Variants in HMGA2 observed in about 807,000 individuals in gnomAD.
The protein encoded by HMGA2 is high mobility group protein HMGI-C.
Under a neutral mutation model 19.1 loss-of-function variants are expected in HMGA2, and 8 were observed. That is an observed-to-expected ratio of 0.42 (90% CI 0.25 to 0.76). The LOEUF (loss-of-function observed/expected upper bound fraction) is 0.76. HMGA2 is among the 30% of genes least tolerant of loss of function. The pLI is 0.28. For missense variants in HMGA2, 109 were observed against 136.3 expected (o/e 0.80, Z 1.00); for synonymous variants, 60 against 48.8 (o/e 1.23, Z -0.96).
intron 3 of HMGA2, among the ~76,000 whole-genome samples, chr12:65,908,142 A>G (rs535944679): frequency 7.8e-4 from 119 of 152,180 alleles, no homozygotes; most frequent in Middle Eastern, 3.2e-3. Flanking sequence ...TTTGTTGAAG[A>G]TTAATTTATT....
rs1876836600 is a variant in HMGA2 at position 65,964,202 on chromosome 12, T to A, written c.*910T>A. The A allele has an allele frequency of 4.9e-6, 1 of 202,028 alleles. No individual in the cohort carries two copies. The highest frequency in any genetic ancestry group is 6.0e-5 in the Admixed American group (1 of 16,634). 12.5% of individuals were successfully genotyped at this position (202,028 alleles called of 1,614,324 possible). On this transcript the variant is annotated 3_prime_UTR_variant, in exon 5 of 5. Transcript: ENST00000403681. Reference sequence around the variant, plus strand: ...AATTTAATGAAAAGGTACAACAGAATAATGCATGATGAACTCACCTAATTA... The same window carrying A: ...AATTTAATGAAAAGGTACAACAGAAAAATGCATGATGAACTCACCTAATTA...
At chr12:65,922,829 T>C (rs1158430960) in intron 3 of HMGA2, among the ~76,000 whole-genome samples, 1 of 152,158 alleles carries the variant, frequency 6.6e-6, no homozygotes, top group Admixed American at 6.5e-5. Context: ...CGGTCTTTCC[T>C]GTGCTATTCT....
intron 3 of HMGA2, among the ~76,000 whole-genome samples, chr12:65,911,658 T>A (rs1224087890): frequency 6.6e-6 from 1 of 152,192 alleles, no homozygotes; most frequent in Non-Finnish European, 1.5e-5. Context: ...TAATGAGCAT[T>A]CGGTCATTAG....
At chr12:65,879,544 T>C (rs867081978) in intron 3 of HMGA2, among the ~76,000 whole-genome samples, 3 of 152,338 alleles carry the variant, frequency 2.0e-5, no homozygotes, top group Middle Eastern at 3.4e-3. Flanking sequence ...AACAAGAGTA[T>C]GTACCAAGTA....
intron 3 of HMGA2, among the ~76,000 whole-genome samples, chr12:65,870,473 G>A (rs1340440572): frequency 6.6e-6 from 1 of 152,192 alleles, no homozygotes; most frequent in African/African-American, 2.4e-5. Context: ...GCTCACACCT[G>A]TAATCCCAGC....
At chr12:65,945,011 AG>A (rs1876213382) in intron 3 of HMGA2, among the ~76,000 whole-genome samples, 1 of 152,064 alleles carries the variant, frequency 6.6e-6, no homozygotes. Context: ...TGGGACTAAA[AG>A]CATGTGCCAA....
intron 3 of HMGA2, among the ~76,000 whole-genome samples, chr12:65,897,762 C>A (rs1874189404): frequency 6.6e-6 from 1 of 152,100 alleles, no homozygotes; most frequent in Admixed American, 6.5e-5. Context: ...GTGTTTGAGA[C>A]CACCCTGGCC....
At chr12:65,937,693 C>T (rs1413760684) in intron 3 of HMGA2, among the ~76,000 whole-genome samples, 1 of 152,134 alleles carries the variant, frequency 6.6e-6, no homozygotes, top group Non-Finnish European at 1.5e-5. Context: ...CCACTGACAC[C>T]ATCTCCATAA....
At chr12:65,842,148 T>C in intron 3 of HMGA2, 2 of 1,280,692 alleles carry the variant, frequency 1.6e-6, no homozygotes, top group Non-Finnish European at 2.0e-6. Context: ...GAGCTCAGGC[T>C]CTGGATTCAG....
At chr12:65,952,526 C>G in intron 4 of HMGA2, 1 of 1,429,400 alleles carries the variant, frequency 7.0e-7, no homozygotes, top group Non-Finnish European at 9.2e-7. Flanking sequence ...ACAGAGTTAC[C>G]ATGAAAAAAA....
At chr12:65,891,376 C>T (rs1478876716) in intron 3 of HMGA2, among the ~76,000 whole-genome samples, 3 of 152,130 alleles carry the variant, frequency 2.0e-5, no homozygotes, top group Non-Finnish European at 4.4e-5. Context: ...TGAGTGGTTC[C>T]ATCAGTAGTG....
At chr12:65,937,656 A>G in intron 3 of HMGA2, among the ~76,000 whole-genome samples, 1 of 152,160 alleles carries the variant, frequency 6.6e-6, no homozygotes, top group East Asian at 1.9e-4. Context: ...CCAGAGGAAA[A>G]TTCCAAACAG....
At chr12:65,888,931 C>T (rs1361621594) in intron 3 of HMGA2, among the ~76,000 whole-genome samples, 1 of 151,994 alleles carries the variant, frequency 6.6e-6, no homozygotes, top group Non-Finnish European at 1.5e-5. Flanking sequence ...GTTAGAGATG[C>T]ACCATGCTCA....
intron 3 of HMGA2, among the ~76,000 whole-genome samples, chr12:65,860,388 G>GT (rs1871994441): frequency 6.6e-6 from 1 of 152,206 alleles, no homozygotes; most frequent in Admixed American, 6.5e-5. Flanking sequence ...TACTGAACGT[G>GT]TATCACTTTC....
chr12:65,894,982 T>G (rs1874065387), intron 3 of HMGA2, among the ~76,000 whole-genome samples: 1 of 152,230 alleles, frequency 6.6e-6, no homozygotes, highest in African/African-American at 2.4e-5. Flanking sequence ...AATACAGCTT[T>G]ATAATGTAAA....
chr12:65,932,602 G>T (rs867838428), intron 3 of HMGA2, among the ~76,000 whole-genome samples: 2 of 152,232 alleles, frequency 1.3e-5, no homozygotes, highest in Non-Finnish European at 2.9e-5. Flanking sequence ...CTTAATTTGG[G>T]TGTAGGACCA....
At chr12:65,827,171 G>T (rs1160584906) in intron 1 of HMGA2, among the ~76,000 whole-genome samples, 3 of 152,302 alleles carry the variant, frequency 2.0e-5, no homozygotes, top group African/African-American at 7.2e-5. Context: ...CCAAGTGATT[G>T]CTTCCATTTC....
At chr12:65,842,606 G>C in intron 3 of HMGA2, 1 of 1,535,240 alleles carries the variant, frequency 6.5e-7, no homozygotes, top group Non-Finnish European at 8.7e-7. Context: ...GTTTTACATT[G>C]CAGCTTAGAA....
intron 3 of HMGA2, among the ~76,000 whole-genome samples, chr12:65,900,463 C>T (rs535908963): frequency 1.1e-4 from 17 of 152,310 alleles, no homozygotes; most frequent in African/African-American, 4.1e-4. Context: ...CAGAACTTAA[C>T]CAGACCTAAA....
Sources: gnomAD v4.1 joint callset for allele counts (sites outside exome capture counted in the v4.1 genomes callset) on GRCh38, gnomAD v4.1.1 for gene constraint, MANE v1.5 for transcripts, NCBI Gene and HGNC (gene_info 2026-07-23, HGNC 2026-07-21) for gene names.